Variants in LRRTM4 observed in about 807,000 individuals in gnomAD.
The protein encoded by LRRTM4 is leucine rich repeat transmembrane neuronal 4, also known as leucine-rich repeat transmembrane neuronal protein 4.
A neutral mutation model predicts 47.6 loss-of-function variants in LRRTM4; 25 were observed. The observed-to-expected ratio is 0.53, with a 90% CI of 0.38 to 0.73. The LOEUF is 0.73. LRRTM4 is among the 30% of genes least tolerant of loss of function. The pLI, the probability that LRRTM4 is intolerant of heterozygous loss-of-function variation, is 0.00. For synonymous variants in LRRTM4, 311 were observed against 269.5 expected (o/e 1.15, Z -1.51); for missense variants, 638 against 713.4 (o/e 0.89, Z 1.20).
chr2:77,288,862 A>G (rs1236246047), intron 3 of LRRTM4, among the ~76,000 whole-genome samples: 1 of 152,096 alleles, frequency 6.6e-6, no homozygotes, highest in Non-Finnish European at 1.5e-5. Context: ...GCAGAAGCCA[A>G]TTGGGATGGA....
intron 3 of LRRTM4, among the ~76,000 whole-genome samples, chr2:76,855,185 AAAG>A (rs1250110976): frequency 6.6e-6 from 1 of 152,220 alleles, no homozygotes; most frequent in African/African-American, 2.4e-5. Flanking sequence ...TTAGCAAGAA[AAAG>A]GAGGAAAGGT....
chr2:76,819,428 G>C (rs941350778), intron 3 of LRRTM4, among the ~76,000 whole-genome samples: 1 of 151,640 alleles, frequency 6.6e-6, no homozygotes, highest in Non-Finnish European at 1.5e-5. Context: ...AAGAAACCTA[G>C]AAACTAAGAA....
intron 3 of LRRTM4, among the ~76,000 whole-genome samples, chr2:76,810,179 C>G (rs182479774): frequency 1.3e-5 from 2 of 152,204 alleles, no homozygotes; most frequent in Admixed American, 6.5e-5. Context: ...TTCACACTCA[C>G]TCACTAACTG....
At chr2:76,843,479 C>G (rs1348677816) in intron 3 of LRRTM4, among the ~76,000 whole-genome samples, 1 of 152,100 alleles carries the variant, frequency 6.6e-6, no homozygotes, top group African/African-American at 2.4e-5. Flanking sequence ...AGGTCAGTTG[C>G]TTCCATGGAA....
chr2:77,299,683 A>G (rs1677074934), intron 3 of LRRTM4, among the ~76,000 whole-genome samples: 1 of 152,096 alleles, frequency 6.6e-6, no homozygotes. Context: ...CTATTGTAAG[A>G]CACACTGACA....
intron 3 of LRRTM4, among the ~76,000 whole-genome samples, chr2:77,127,481 G>A (rs755206683): frequency 6.6e-6 from 1 of 152,050 alleles, no homozygotes; most frequent in South Asian, 2.1e-4. Flanking sequence ...CTATCTGTAG[G>A]TTCCTTCCAC....
chr2:77,197,773 C>A (rs753258866), intron 3 of LRRTM4, among the ~76,000 whole-genome samples: 10 of 152,068 alleles, frequency 6.6e-5, no homozygotes, highest in Non-Finnish European at 1.3e-4. Flanking sequence ...CACTCATTTG[C>A]CTAATTTATC....
chr2:77,077,584 A>C (rs1680379748), intron 3 of LRRTM4, among the ~76,000 whole-genome samples: 1 of 152,294 alleles, frequency 6.6e-6, no homozygotes, highest in Admixed American at 6.5e-5. Flanking sequence ...TCTTACTCAT[A>C]TTCTCCAAGT....
At chr2:77,037,275 A>C (rs188313542) in intron 3 of LRRTM4, among the ~76,000 whole-genome samples, 40 of 151,914 alleles carry the variant, frequency 2.6e-4, no homozygotes, top group Admixed American at 2.6e-3. Flanking sequence ...AAAGGGAGTT[A>C]AAATAACTTT....
chr2:76,936,954 C>CAAAAAA (rs56140303), intron 3 of LRRTM4, among the ~76,000 whole-genome samples: 351 of 22,686 alleles, frequency 0.015, 76 homozygotes, highest in Middle Eastern at 0.14. Flanking sequence ...GACTCCATCT[C>CAAAAAA]AAAAAAAAAA....
intron 2 of LRRTM4, 91 bp downstream of exon 2, chr2:77,521,577 T>A: frequency 6.8e-7 from 1 of 1,478,252 alleles, no homozygotes; most frequent in Non-Finnish European, 9.4e-7. Flanking sequence ...TTTGCCTGTT[T>A]CCCCGTCTTT....
intron 3 of LRRTM4, among the ~76,000 whole-genome samples, chr2:77,319,576 C>T (rs950177943): frequency 7.2e-5 from 11 of 152,172 alleles, no homozygotes; most frequent in Admixed American, 3.3e-4. Context: ...TTCAGCTTAT[C>T]CTTATGTCCC....
At chr2:77,090,986 C>T (rs918040688) in intron 3 of LRRTM4, among the ~76,000 whole-genome samples, 1 of 152,042 alleles carries the variant, frequency 6.6e-6, no homozygotes, top group Non-Finnish European at 1.5e-5. Flanking sequence ...TTTCAAGGGC[C>T]TGTTTCCCTT....
intron 3 of LRRTM4, among the ~76,000 whole-genome samples, chr2:77,478,292 T>C (rs73942756): frequency 0.11 from 16,602 of 152,208 alleles, 1,716 homozygotes; most frequent in East Asian, 0.53. Context: ...AAGATAAAAA[T>C]GTTATTTTAA....
At chr2:77,428,603 G>C (rs374001189) in intron 3 of LRRTM4, among the ~76,000 whole-genome samples, 27 of 152,136 alleles carry the variant, frequency 1.8e-4, no homozygotes, top group African/African-American at 6.3e-4. Flanking sequence ...ACATTTTTTA[G>C]ATATAGGCTC....
At chr2:77,385,741 C>CTTTTTTTTTT in intron 3 of LRRTM4, among the ~76,000 whole-genome samples, 1 of 82,294 alleles carries the variant, frequency 1.2e-5, no homozygotes, top group Non-Finnish European at 2.2e-5. Flanking sequence ...GTACATGGTA[C>CTTTTTTTTTT]TTTTTTTTTT....
chr2:76,853,030 T>G (rs547248160), intron 3 of LRRTM4, among the ~76,000 whole-genome samples: 23 of 152,134 alleles, frequency 1.5e-4, no homozygotes, highest in Non-Finnish European at 2.4e-4. Context: ...AGGTAGAATA[T>G]AGAGAGATGA....
At chr2:76,928,466 C>A (rs537468335) in intron 3 of LRRTM4, among the ~76,000 whole-genome samples, 184 of 152,196 alleles carry the variant, frequency 1.2e-3, no homozygotes, top group African/African-American at 4.2e-3. Context: ...GACCACTATC[C>A]ACGGAGGAGC....
chr2:76,895,070 G>C (rs1673368992), intron 3 of LRRTM4, among the ~76,000 whole-genome samples: 3 of 151,860 alleles, frequency 2.0e-5, no homozygotes, highest in African/African-American at 7.2e-5. Context: ...CATTTCAATA[G>C]TTTAAAATTT....
Sources: allele counts gnomAD v4.1 joint callset (sites outside exome capture counted in the v4.1 genomes callset), GRCh38; gene constraint gnomAD v4.1.1; transcripts MANE v1.5; gene names NCBI Gene and HGNC (gene_info 2026-07-23, HGNC 2026-07-21).